Variants in RELN observed in about 807,000 individuals in gnomAD.
RELN encodes reelin.
Under a neutral mutation model 427.6 loss-of-function variants are expected in RELN, and 108 were observed. The observed-to-expected ratio is 0.25, with a 90% CI of 0.22 to 0.30. The LOEUF (loss-of-function observed/expected upper bound fraction) is 0.30, where lower values mean the gene tolerates loss of function less well. Ranked by LOEUF, RELN falls within the 10% of genes least tolerant of loss-of-function variation. The pLI, the probability that RELN is intolerant of heterozygous loss-of-function variation, is 1.00. For missense variants in RELN, 3,715 were observed against 4,302.8 expected (o/e 0.86, Z 3.82); for synonymous variants, 1,524 against 1,513.4 (o/e 1.01, Z -0.16).
intron 3 of RELN, 142 bp downstream of exon 3, chr7:103,833,394 CT>C: frequency 7.0e-6 from 6 of 863,296 alleles, no homozygotes; most frequent in Non-Finnish European, 1.1e-5. Flanking sequence ...AAGTTTTTAC[CT>C]TTTTTGGCAA....
In RELN at chr7:103,732,182, T is replaced by C. The variant is rs1790371330; in HGVS notation, c.657-3975A>G. Among the ~76,000 whole-genome samples, 3 of 152,198 alleles carry C rather than the reference T, an allele frequency of 2.0e-5. No homozygotes were observed. In the South Asian group the frequency reaches 6.2e-4, roughly 32 times the overall value. On this transcript the variant is annotated intron_variant, in intron 6 of 64. Coordinates refer to ENST00000428762, the MANE Select transcript of RELN (RefSeq NM_005045.4). ...ACAGTTTAGGATATAGTTGAAATCA[T>C]GGGAGTGTATATCTTTAGGGTCCTC...
intron 6 of RELN, among the ~76,000 whole-genome samples, chr7:103,740,177 T>G (rs1029740508): frequency 3.3e-4 from 50 of 152,114 alleles, no homozygotes; most frequent in Non-Finnish European, 2.9e-4. Context: ...TGACTGAAAT[T>G]AAGTTTCCAC....
In RELN at chr7:103,697,961, T is replaced by C. The variant is rs113998363; in HGVS notation, c.1035A>G (p.Leu345=). The change falls in exon 10 of 65, where the codon TTA becomes TTG. Residue 345 remains leucine (L), a synonymous_variant. Transcript: ENST00000428762. ...VGEVYEACWA[L]DNILIINSAH... is the part of the protein sequence containing the mutation. ...CTGAATTGATGATCAAGATGTTATC[T>C]AAGGCCCAGCAGGCTTCATACACTT... 1.2e-4 allele frequency: 190 copies of C among 1,613,838 alleles called. No homozygotes were observed. The African/African-American group carries it at 2.3e-3, about 19-fold the overall frequency.
chr7:103,683,255 A>C (rs1833692394), intron 10 of RELN, among the ~76,000 whole-genome samples: 1 of 152,176 alleles, frequency 6.6e-6, no homozygotes, highest in South Asian at 2.1e-4. Flanking sequence ...GACAATGTCC[A>C]TTTTGTTCCT....
chr7:103,720,267 C>T (rs906666529), intron 8 of RELN, among the ~76,000 whole-genome samples: 16 of 151,618 alleles, frequency 1.1e-4, no homozygotes, highest in African/African-American at 3.9e-4. Context: ...TGAGACACCC[C>T]TTAGTAATTC....
At chr7:103,771,494 T>C (rs1172669712) in intron 4 of RELN, among the ~76,000 whole-genome samples, 2 of 152,284 alleles carry the variant, frequency 1.3e-5, no homozygotes, top group Admixed American at 1.3e-4. Context: ...TCAAATGTCC[T>C]TGGCTGTCCC....
intron 60 of RELN, among the ~76,000 whole-genome samples, chr7:103,487,401 G>GAA (rs769886377): frequency 2.9e-4 from 21 of 71,252 alleles, no homozygotes; most frequent in South Asian, 3.7e-4. Flanking sequence ...ACTTAAAGTA[G>GAA]AAAAAAAAAA....
intron 6 of RELN, among the ~76,000 whole-genome samples, chr7:103,733,183 G>A (rs1790399667): frequency 6.6e-6 from 1 of 152,130 alleles, no homozygotes; most frequent in Non-Finnish European, 1.5e-5. Context: ...AAAAACACAT[G>A]AAAGAATGCT....
At chr7:103,827,409 T>C (rs1007314270) in intron 3 of RELN, among the ~76,000 whole-genome samples, 5 of 152,066 alleles carry the variant, frequency 3.3e-5, no homozygotes, top group African/African-American at 9.7e-5. Flanking sequence ...AAAATAGATA[T>C]GTTGTACAAT....
At chr7:103,940,912 T>G (rs1796099178) in intron 1 of RELN, among the ~76,000 whole-genome samples, 1 of 152,212 alleles carries the variant, frequency 6.6e-6, no homozygotes, top group Non-Finnish European at 1.5e-5. Flanking sequence ...TTTCTAACAT[T>G]TTGAAGGACA....
At chr7:103,506,744 C>A (rs1162711931) in intron 51 of RELN, among the ~76,000 whole-genome samples, 2 of 152,118 alleles carry the variant, frequency 1.3e-5, no homozygotes, top group Non-Finnish European at 2.9e-5. Context: ...CTAAATGCCC[C>A]AATTAAAAGA....
intron 7 of RELN, among the ~76,000 whole-genome samples, chr7:103,723,819 T>C (rs936213810): frequency 6.6e-6 from 1 of 151,978 alleles, no homozygotes; most frequent in Admixed American, 6.6e-5. Context: ...AATAAAACTG[T>C]TACCAAAAAA....
At position 103,482,877 on chromosome 7, in the gene RELN, C is replaced by A. The variant is rs188371196; in HGVS notation, c.10276G>T (p.Val3426Phe). The A allele has an allele frequency of 1.2e-6, 2 of 1,614,102 alleles. No individual in the cohort carries two copies. The highest frequency in any genetic ancestry group is 1.7e-6 in the Non-Finnish European group (2 of 1,179,986). ...DQWALDHVEV[V>F]LVSTRKQNYM... is the part of the protein sequence containing the mutation. The stretch of plus-strand genomic sequence containing the variant: ...TGCCATGTAATAGATACTCACAGGA[C>A]GACCTCCACATGGTCCAAAGCCCAT... The change falls in exon 63 of 65, where the codon GTC becomes TTC. Residue 3426 changes from valine to phenylalanine, a missense_variant. Around this residue, in one of 4 missense-constraint regions of RELN, gnomAD observed 195 missense variants for 281.3 expected, o/e 0.69. Transcript: ENST00000428762.
At chr7:103,530,094 C>T (rs1829907397) in intron 46 of RELN, among the ~76,000 whole-genome samples, 1 of 152,166 alleles carries the variant, frequency 6.6e-6, no homozygotes, top group East Asian at 1.9e-4. Flanking sequence ...TTGCCTATTA[C>T]TCTATGTTCA....
intron 57 of RELN, among the ~76,000 whole-genome samples, chr7:103,494,394 G>GTGTGTGTGTGTGTGTGA (rs774896895): frequency 7.1e-4 from 96 of 134,546 alleles, no homozygotes; most frequent in African/African-American, 2.8e-3. Context: ...TGTGTGTGTG[G>GTGTGTGTGTGTGTGTGA]GATATGGTCT....
chr7:103,585,862 T>C (rs1032105960), intron 28 of RELN, among the ~76,000 whole-genome samples: 3 of 152,180 alleles, frequency 2.0e-5, no homozygotes, highest in African/African-American at 2.4e-5. Context: ...TACATCATGA[T>C]TGAATGAGTT....
rs1829003536 is a variant in RELN at position 103,500,861 on chromosome 7, A to G, written c.8551T>C (p.Tyr2851His). 1 of 1,614,142 alleles carries G rather than the reference A, an allele frequency of 6.2e-7. No homozygotes were observed. The highest frequency in any genetic ancestry group is 8.5e-7 in the Non-Finnish European group (1 of 1,179,968). ...TTGTCCAAGCATCCAGGGCCCAGGT[A>G]GAAATTATCGATTGCCCACTGCATG... ...SDMQWAIDNFYLGPGCLDNCR... is the reference protein window; with the variant it reads ...SDMQWAIDNFHLGPGCLDNCR... The change falls in exon 53 of 65, where the codon TAC becomes CAC. Residue 2851 changes from tyrosine to histidine, a missense_variant. Tyr to His is a moderately conservative substitution (Grantham distance 83). Around this residue, in one of 4 missense-constraint regions of RELN, gnomAD observed 1,310 missense variants for 1,643.0 expected, o/e 0.80. Coordinates refer to ENST00000428762, the MANE Select transcript of RELN (RefSeq NM_005045.4).
chr7:103,884,250 C>A (rs1466898841), intron 2 of RELN, among the ~76,000 whole-genome samples: 1 of 152,116 alleles, frequency 6.6e-6, no homozygotes, highest in Non-Finnish European at 1.5e-5. Flanking sequence ...TGAAACTGGA[C>A]CCCTTCCTTA....
rs184999098 is a variant in RELN, at chr7:103,632,992, A to G, written c.2465+2433T>C. Among the ~76,000 whole-genome samples, 14 of 152,260 alleles carry G rather than the reference A, an allele frequency of 9.2e-5. 1 individual carries two copies. Among genetic ancestry groups the G allele is most frequent in the African/African-American group, 3.4e-4 (14 of 41,584 alleles). On this transcript the variant is annotated intron_variant, in intron 19 of 64. Transcript: ENST00000428762. ...ATAATTTTAGTCTCACCAGTGACAC[A>G]TAATTTTAAATTAATAAAAATACCA...
Sources: allele counts gnomAD v4.1 joint callset (sites outside exome capture counted in the v4.1 genomes callset), GRCh38; gene constraint gnomAD v4.1.1; regional missense constraint gnomAD v4.1.1; transcripts MANE v1.5; gene names NCBI Gene and HGNC (gene_info 2026-07-23, HGNC 2026-07-21).